The following PAK3 variants were observed in gnomAD, a reference collection of about 807,000 sequenced individuals.
PAK3 encodes p21 (RAC1) activated kinase 3, also known as serine/threonine-protein kinase PAK 3.
A neutral mutation model predicts 41.0 loss-of-function variants in PAK3; 4 were observed. That is an observed-to-expected ratio of 0.10 (90% confidence interval 0.05 to 0.22). PAK3 has a LOEUF of 0.22. Among genes scored for constraint, PAK3 ranks in the 10% least tolerant of loss-of-function variants. The pLI, the probability that PAK3 is intolerant of heterozygous loss-of-function variation, is 1.00. For missense variants in PAK3, 205 were observed against 409.9 expected, an observed-to-expected ratio of 0.50 and a Z score of 4.32; for synonymous variants, 146 against 139.6, an observed-to-expected ratio of 1.05 and a Z score of -0.32.
At chrX:111,208,046 C>T (rs371085207) in intron 16 of PAK3, among the ~76,000 whole-genome samples, 2 of 112,588 alleles carry the variant, frequency 1.8e-5, no homozygotes, top group African/African-American at 3.2e-5. Flanking sequence ...CCGCCCGCCT[C>T]GGCTCCCAAA....
intron 10 of PAK3, among the ~76,000 whole-genome samples, chrX:111,172,494 C>T (rs993130415): frequency 9.0e-6 from 1 of 111,057 alleles, no homozygotes; most frequent in Admixed American, 9.6e-5. Context: ...TTCAGCCCTT[C>T]TCCCTCTCCT....
At chrX:111,094,679 CTTTTTTTTTTTTTT>C (rs762547955), upstream of PAK3, among the ~76,000 whole-genome samples, 1 of 45,087 alleles carries the variant, frequency 2.2e-5, no homozygotes, top group African/African-American at 9.9e-5. Context: ...ATCTGTAGCT[CTTTTTTTTTTTTTT>C]TTTTTTTTTT....
chrX:111,189,293 T>G (rs2149307666), intron 11 of PAK3, among the ~76,000 whole-genome samples: 1 of 112,293 alleles, frequency 8.9e-6, no homozygotes, highest in East Asian at 2.8e-4. Context: ...ATGGTGTACA[T>G]GTACCACATT....
intron 11 of PAK3, among the ~76,000 whole-genome samples, chrX:111,183,507 C>T (rs1490650721): frequency 9.0e-6 from 1 of 111,464 alleles, no homozygotes. Context: ...AGCCTTTAGA[C>T]CTCTTGCCCT....
intron 5 of PAK3, among the ~76,000 whole-genome samples, chrX:111,127,223 T>C (rs2093659671): frequency 8.9e-6 from 1 of 111,985 alleles, no homozygotes; most frequent in Admixed American, 9.5e-5. Context: ...CATCATAGGA[T>C]GACATCATGG....
At chrX:111,074,695 G>A (rs1412839916) in intron 1 of PAK3, among the ~76,000 whole-genome samples, 2 of 112,091 alleles carry the variant, frequency 1.8e-5, no homozygotes, top group African/African-American at 6.5e-5. Context: ...AACAGATAAA[G>A]GTTGAAAAAT....
At chrX:110,951,728 CT>C (rs2090749399) in intron 1 of PAK3, among the ~76,000 whole-genome samples, 1 of 112,516 alleles carries the variant, frequency 8.9e-6, no homozygotes, top group African/African-American at 3.2e-5. Context: ...AGTAAACATG[CT>C]CTTTAATTCA....
chrX:111,214,944 C>G (rs2094861310), intron 16 of PAK3, among the ~76,000 whole-genome samples: 2 of 111,468 alleles, frequency 1.8e-5, no homozygotes, highest in Admixed American at 9.5e-5. Flanking sequence ...CTGGCAGTAC[C>G]TGCAGGCAAA....
At chrX:111,159,909 A>T (rs1202911399) in intron 8 of PAK3, among the ~76,000 whole-genome samples, 1 of 112,072 alleles carries the variant, frequency 8.9e-6, no homozygotes, top group African/African-American at 3.2e-5. Context: ...TCTTCTCACA[A>T]TTGGTAAGTC....
rs779055003 is a variant in PAK3 at position 111,151,808 on chromosome X, G to A, written c.431-602G>A. On this transcript the variant is annotated intron_variant, in intron 7 of 17. Coordinates refer to ENST00000372007, the MANE Select transcript of PAK3 (RefSeq NM_002578.5). ...GGGGCCATTATGAAGTAAAATAAGG[G>A]GTACATGACTACAAGCACTGTGATA... 9.0e-5 allele frequency among the ~76,000 whole-genome samples: 10 copies of A among 111,464 alleles called. No individual in the cohort carries two copies. In the South Asian group the frequency reaches 3.4e-3, roughly 38 times the overall value.
At chrX:110,996,358 C>G (rs1178785720) in intron 1 of PAK3, among the ~76,000 whole-genome samples, 1 of 112,330 alleles carries the variant, frequency 8.9e-6, no homozygotes, top group African/African-American at 3.2e-5. Flanking sequence ...ACATACTAAA[C>G]ACAAATCCCA....
At chrX:110,957,290 C>T (rs1423134467) in intron 1 of PAK3, among the ~76,000 whole-genome samples, 1 of 112,269 alleles carries the variant, frequency 8.9e-6, no homozygotes, top group African/African-American at 3.2e-5. Context: ...CCCCATTTTA[C>T]AGAGGAGCAA....
At chrX:111,155,882 A>G (rs1247444189) in intron 8 of PAK3, among the ~76,000 whole-genome samples, 1 of 112,002 alleles carries the variant, frequency 8.9e-6, no homozygotes, top group African/African-American at 3.2e-5. Context: ...AAAGGGAATC[A>G]GGAAATAAGT....
chrX:111,022,392 C>G (rs2092199054), intron 1 of PAK3, among the ~76,000 whole-genome samples: 1 of 111,762 alleles, frequency 8.9e-6, no homozygotes, highest in African/African-American at 3.3e-5. Flanking sequence ...TTCAACAAAA[C>G]AATTATCAGC....
At chrX:111,072,325 C>T (rs1163427212) in intron 1 of PAK3, among the ~76,000 whole-genome samples, 1 of 112,814 alleles carries the variant, frequency 8.9e-6, no homozygotes, top group Non-Finnish European at 1.9e-5. Flanking sequence ...TTGCATAACA[C>T]CTTCAGTGGG....
chrX:111,055,558 C>T (rs1045778186), intron 1 of PAK3, among the ~76,000 whole-genome samples: 6 of 112,211 alleles, frequency 5.3e-5, no homozygotes, highest in Non-Finnish European at 1.1e-4. Context: ...ATAGTCAAGT[C>T]CAAAATCCCT....
At chrX:111,032,862 A>G (rs769833330) in intron 1 of PAK3, among the ~76,000 whole-genome samples, 1 of 110,783 alleles carries the variant, frequency 9.0e-6, no homozygotes, top group South Asian at 3.9e-4. Context: ...CCTCTTCTTA[A>G]AGGGCTCTTC....
intron 1 of PAK3, among the ~76,000 whole-genome samples, chrX:111,045,630 A>T (rs1170371936): frequency 8.9e-6 from 1 of 112,060 alleles, no homozygotes; most frequent in Non-Finnish European, 1.9e-5. Flanking sequence ...AGTTGGATCT[A>T]TTCTGTTAAG....
At chrX:111,121,680 T>C (rs2093572338) in intron 4 of PAK3, among the ~76,000 whole-genome samples, 1 of 111,985 alleles carries the variant, frequency 8.9e-6, no homozygotes, top group Admixed American at 9.5e-5. Context: ...AGAGTTGTAA[T>C]GTTCCTAAAT....
Sources: allele counts gnomAD v4.1 joint callset (sites outside exome capture counted in the v4.1 genomes callset), GRCh38; gene constraint gnomAD v4.1.1; transcripts MANE v1.5; gene names NCBI Gene and HGNC (gene_info 2026-07-23, HGNC 2026-07-21).